GULP1: variants seen among roughly 807,000 people sequenced by gnomAD.
GULP1 encodes GULP PTB domain containing engulfment adaptor 1.
In GULP1, 19 loss-of-function variants were observed where a neutral mutation model predicts 40.9. The ratio of observed to expected loss-of-function variants is 0.46; its 90% CI spans 0.32 to 0.68. The LOEUF (loss-of-function observed/expected upper bound fraction) is 0.68, where lower values mean the gene tolerates loss of function less well. Among genes scored for constraint, GULP1 ranks in the 30% least tolerant of loss-of-function variants. GULP1 has a pLI of 0.03. For synonymous variants in GULP1, 119 were observed against 117.6 expected, an observed-to-expected ratio of 1.01 and a Z score of -0.08; for missense variants, 312 against 362.2, an observed-to-expected ratio of 0.86 and a Z score of 1.12.
intron 4 of GULP1, among the ~76,000 whole-genome samples, chr2:188,511,429 A>T (rs1278257865): frequency 1.3e-5 from 2 of 152,118 alleles, no homozygotes; most frequent in African/African-American, 4.8e-5. Context: ...TTGGTTTTCT[A>T]TTCAAGTTGA....
chr2:188,436,319 TTTAA>T (rs2057401768), intron 2 of GULP1, among the ~76,000 whole-genome samples: 1 of 152,130 alleles, frequency 6.6e-6, no homozygotes, highest in Non-Finnish European at 1.5e-5. Flanking sequence ...CCTAAAATCC[TTTAA>T]TTAAAGTTTT....
chr2:188,351,983 A>G (rs1050839250), intron 1 of GULP1, among the ~76,000 whole-genome samples: 2 of 151,964 alleles, frequency 1.3e-5, no homozygotes, highest in East Asian at 3.9e-4. Flanking sequence ...TTTGTCTGGC[A>G]TGTATCCCTG....
At chr2:188,354,734 A>G (rs2045031532) in intron 1 of GULP1, among the ~76,000 whole-genome samples, 1 of 152,214 alleles carries the variant, frequency 6.6e-6, no homozygotes, top group African/African-American at 2.4e-5. Context: ...TATTTAACAT[A>G]TGCAGAATAC....
intron 7 of GULP1, among the ~76,000 whole-genome samples, chr2:188,560,470 T>G (rs764674997): frequency 2.0e-5 from 3 of 152,206 alleles, no homozygotes; most frequent in Non-Finnish European, 4.4e-5. Flanking sequence ...AAACTTTCCC[T>G]CATTTTCCCA....
chr2:188,518,852 C>T (rs1391981720), intron 4 of GULP1, among the ~76,000 whole-genome samples: 6 of 152,110 alleles, frequency 3.9e-5, no homozygotes, highest in Non-Finnish European at 7.4e-5. Context: ...GAGAGAAGAA[C>T]AGCATTTATT....
intron 2 of GULP1, among the ~76,000 whole-genome samples, chr2:188,423,713 G>C (rs1282274337): frequency 6.6e-6 from 1 of 151,742 alleles, no homozygotes; most frequent in Non-Finnish European, 1.5e-5. Flanking sequence ...TGTTAAAATA[G>C]TTTTCAGATG....
intron 1 of GULP1, among the ~76,000 whole-genome samples, chr2:188,379,730 TTA>T (rs2048766323): frequency 6.6e-6 from 1 of 152,222 alleles, no homozygotes; most frequent in Admixed American, 6.5e-5. Flanking sequence ...CCTCATCTTA[TTA>T]CTAAAGTTTT....
intron 9 of GULP1, among the ~76,000 whole-genome samples, chr2:188,578,732 G>T (rs549917312): frequency 6.6e-6 from 1 of 151,998 alleles, no homozygotes; most frequent in East Asian, 1.9e-4. Context: ...CTGGAACTAC[G>T]AACATAAAGC....
intron 4 of GULP1, among the ~76,000 whole-genome samples, chr2:188,501,288 A>T (rs994832914): frequency 6.6e-6 from 1 of 151,522 alleles, no homozygotes; most frequent in Non-Finnish European, 1.5e-5. Flanking sequence ...TAAAAGTGTG[A>T]CACTTTCCTC....
intron 1 of GULP1, among the ~76,000 whole-genome samples, chr2:188,308,397 A>G (rs1336404477): frequency 6.6e-6 from 1 of 152,226 alleles, no homozygotes; most frequent in Non-Finnish European, 1.5e-5. Context: ...TATTAAAATG[A>G]AAACATTACA....
chr2:188,566,686 C>T (rs1697765709), intron 7 of GULP1, among the ~76,000 whole-genome samples: 2 of 148,592 alleles, frequency 1.3e-5, no homozygotes, highest in South Asian at 2.1e-4. Context: ...GTCCCAGCTA[C>T]TCAGGAAGCT....
chr2:188,531,797 A>G (rs554030218), intron 6 of GULP1, among the ~76,000 whole-genome samples: 7 of 152,254 alleles, frequency 4.6e-5, no homozygotes, highest in Non-Finnish European at 1.0e-4. Flanking sequence ...CAGAAGGACA[A>G]TGCAATCAAA....
At chr2:188,330,103 C>G (rs2041358761) in intron 1 of GULP1, among the ~76,000 whole-genome samples, 1 of 151,968 alleles carries the variant, frequency 6.6e-6, no homozygotes, top group South Asian at 2.1e-4. Flanking sequence ...CTCAAATTAC[C>G]TAGGCTGTTG....
At chr2:188,480,448 A>G (rs753617872) in intron 3 of GULP1, among the ~76,000 whole-genome samples, 11 of 151,576 alleles carry the variant, frequency 7.3e-5, no homozygotes, top group South Asian at 2.1e-4. Context: ...AAACCTAAAC[A>G]TAATTGTGTT....
At chr2:188,589,940 A>G (rs1411719369) in intron 11 of GULP1, 3 of 361,276 alleles carry the variant, frequency 8.3e-6, no homozygotes, top group South Asian at 1.6e-4. Flanking sequence ...CTTAGTCACT[A>G]TTGCATTGTT....
At chr2:188,350,557 G>A (rs1226432937) in intron 1 of GULP1, among the ~76,000 whole-genome samples, 1 of 151,862 alleles carries the variant, frequency 6.6e-6, no homozygotes, top group African/African-American at 2.4e-5. Context: ...TTTATTAGTT[G>A]TCATAGGTTT....
chr2:188,474,136 C>G (rs1326261064), intron 2 of GULP1, among the ~76,000 whole-genome samples: 2 of 152,172 alleles, frequency 1.3e-5, no homozygotes, highest in African/African-American at 2.4e-5. Context: ...ACCCTGCTGT[C>G]ACTGAGCTGC....
Position 188,580,261 on chromosome 2 carries a change from A to G in GULP1, c.610-4004A>G, listed in dbSNP as rs113598629. 3.2e-4 allele frequency among the ~76,000 whole-genome samples: 49 copies of G among 152,354 alleles called. 1 individual carries two copies. Among genetic ancestry groups the G allele is most frequent in the African/African-American group, 1.1e-3 (47 of 41,588 alleles). On this transcript the variant is annotated intron_variant, in intron 9 of 11. Transcript: ENST00000409830. ...CATAAATAGATGGAGGTGTATTACA[A>G]TGGAGATCAAGGCCGGGCGCGGTGG...
chr2:188,305,452 G>A (rs1250404902), intron 1 of GULP1, among the ~76,000 whole-genome samples: 1 of 152,186 alleles, frequency 6.6e-6, no homozygotes, highest in Non-Finnish European at 1.5e-5. Context: ...TGGCCCCTCT[G>A]TGTAGCATTC....
Sources: gnomAD v4.1 joint callset for allele counts (sites outside exome capture counted in the v4.1 genomes callset) on GRCh38, gnomAD v4.1.1 for gene constraint, MANE v1.5 for transcripts, NCBI Gene and HGNC (gene_info 2026-07-23, HGNC 2026-07-21) for gene names.